WDR37: variants seen among roughly 807,000 people sequenced by gnomAD.
WDR37 encodes the protein WD repeat-containing protein 37.
WDR37 carries 19 observed loss-of-function variants against 62.9 expected under a neutral mutation model. That is an observed-to-expected ratio of 0.30 (90% CI 0.21 to 0.44). The LOEUF (loss-of-function observed/expected upper bound fraction) is 0.44. Among genes scored for constraint, WDR37 ranks in the 20% least tolerant of loss-of-function variants. WDR37 has a pLI of 1.00. For synonymous variants in WDR37, 250 were observed against 260.9 expected (o/e 0.96, Z 0.40); for missense variants, 474 against 657.6 (o/e 0.72, Z 3.05).
Position 1,129,648 on chromosome 10 carries a change from G to A in WDR37, c.*304G>A, listed in dbSNP as rs760263390. On this transcript the variant is annotated 3_prime_UTR_variant, in exon 14 of 14. Transcript: ENST00000263150. ...TGACATTGGACAGGTGAACAGTAGGGCATTACATTTGTGTGAATTAAATGT... is the reference window on the plus strand; with the variant it reads ...TGACATTGGACAGGTGAACAGTAGGACATTACATTTGTGTGAATTAAATGT... 6 of 258,142 alleles carry A rather than the reference G, an allele frequency of 2.3e-5. No homozygotes were observed. The highest frequency in any genetic ancestry group is 4.5e-5 in the Non-Finnish European group (6 of 133,026). The allele number at this position is 258,142 out of a possible 1,614,324, so 16.0% of individuals were successfully genotyped here. A position where few individuals can be genotyped will look rare whatever the true frequency, so the allele number is the denominator to read the frequency against.
chr10:1,104,070 T>C (rs1039860654), intron 10 of WDR37, among the ~76,000 whole-genome samples: 3 of 152,244 alleles, frequency 2.0e-5, no homozygotes, highest in Non-Finnish European at 2.9e-5. Flanking sequence ...ATTGGACATA[T>C]GGTAGTTGTA....
rs1201201679 is a variant in WDR37 at position 1,078,014 on chromosome 10, C to T, written c.235+11C>T. 6.4e-7 allele frequency: 1 copy of T among 1,573,300 alleles called. No homozygotes were observed. Among genetic ancestry groups the T allele is most frequent in the African/African-American group, 1.4e-5 (1 of 73,758 alleles). ...TCGAAAACTTAGAATGTGAGTATCT[C>T]CTATTTTAATATACTTTTATAGCTT... On this transcript the variant is annotated intron_variant, in intron 3 of 13. Coordinates refer to ENST00000263150, the MANE Select transcript of WDR37 (RefSeq NM_014023.4).
chr10:1,107,855 C>T (rs1186201351), intron 11 of WDR37, among the ~76,000 whole-genome samples: 2 of 152,128 alleles, frequency 1.3e-5, no homozygotes, highest in Non-Finnish European at 2.9e-5. Flanking sequence ...AACACACGCC[C>T]ACTTCCCCTT....
At chr10:1,067,143 G>A (rs769080251) in intron 1 of WDR37, among the ~76,000 whole-genome samples, 10 of 152,120 alleles carry the variant, frequency 6.6e-5, no homozygotes, top group Non-Finnish European at 1.3e-4. Context: ...CCCCACACAA[G>A]TACAGTGAGT....
At chr10:1,090,115 C>T (rs1393843161) in intron 7 of WDR37, among the ~76,000 whole-genome samples, 2 of 151,248 alleles carry the variant, frequency 1.3e-5, no homozygotes, top group Admixed American at 1.3e-4. Context: ...TATAGGTGCC[C>T]GCCACCACGC....
chr10:1,088,789 G>T (rs1834287545), intron 7 of WDR37, among the ~76,000 whole-genome samples: 1 of 152,042 alleles, frequency 6.6e-6, no homozygotes, highest in Non-Finnish European at 1.5e-5. Context: ...GAAAATCGTG[G>T]CAATTAGGTG....
At chr10:1,059,977 TG>T (rs1446639289) in intron 1 of WDR37, among the ~76,000 whole-genome samples, 3 of 151,984 alleles carry the variant, frequency 2.0e-5, no homozygotes, top group African/African-American at 7.2e-5. Flanking sequence ...CCAGGGTAGA[TG>T]GGAGGCGTGT....
intron 1 of WDR37, among the ~76,000 whole-genome samples, chr10:1,070,825 G>C (rs1309753586): frequency 6.6e-6 from 1 of 152,192 alleles, no homozygotes; most frequent in South Asian, 2.1e-4. Flanking sequence ...GAACGCTAGT[G>C]ATTTTAAAAT....
intron 11 of WDR37, among the ~76,000 whole-genome samples, chr10:1,106,543 G>A (rs1835028770): frequency 1.3e-5 from 2 of 152,176 alleles, no homozygotes; most frequent in South Asian, 2.1e-4. Context: ...AATAGACGGA[G>A]TCTCTTTCTG....
rs904970124 is a variant in WDR37, at chr10:1,121,058, G to A, written c.1104-3160G>A. 4.6e-5 allele frequency among the ~76,000 whole-genome samples: 7 copies of A among 152,206 alleles called. No individual in the cohort carries two copies. Among genetic ancestry groups the A allele is most frequent in the South Asian group, 2.1e-4 (1 of 4,826 alleles). ...GAGTTTGCCGGAGTTTGGCAGCGTCGGAACCATTTCCAGTGCACGGCCGTG... is the reference window on the plus strand; with the variant it reads ...GAGTTTGCCGGAGTTTGGCAGCGTCAGAACCATTTCCAGTGCACGGCCGTG... On this transcript the variant is annotated intron_variant, in intron 11 of 13. Coordinates refer to ENST00000263150, the MANE Select transcript of WDR37 (RefSeq NM_014023.4). The surrounding 1 kb of genome is among the most constrained non-coding windows in gnomAD (Gnocchi z 4.5).
chr10:1,078,084 T>C, intron 3 of WDR37, 81 bp downstream of exon 3: 1 of 1,113,474 alleles, frequency 9.0e-7, no homozygotes, highest in Non-Finnish European at 1.3e-6. Context: ...CATCACTATA[T>C]TAGTTTTCTG....
At chr10:1,092,044 T>G (rs1419311115) in intron 7 of WDR37, among the ~76,000 whole-genome samples, 6 of 151,384 alleles carry the variant, frequency 4.0e-5, no homozygotes, top group East Asian at 2.0e-4. Context: ...GCCGGGCGTG[T>G]TGGCGGGCGC....
intron 11 of WDR37, among the ~76,000 whole-genome samples, chr10:1,111,299 A>G (rs925592561): frequency 1.3e-5 from 2 of 152,182 alleles, no homozygotes; most frequent in Non-Finnish European, 2.9e-5. Context: ...ATTGCTGTAT[A>G]TTGGGTTTTC....
chr10:1,084,451 G>A lies in WDR37; in HGVS notation c.445G>A (p.Val149Met), dbSNP rs747382336. The A allele has an allele frequency of 6.8e-5, 109 of 1,614,048 alleles. No homozygotes were observed. Among genetic ancestry groups the A allele is most frequent in the Non-Finnish European group, 8.2e-5 (97 of 1,180,032 alleles). ...TTTSRAACQL[V>M]KEYIGHRDGI... The stretch of plus-strand genomic sequence containing the variant: ...GACATCGAGAGCTGCCTGCCAGCTC[G>A]TGAAGGAGTACATCGGCCACCGGGA... Residue 149 changes from valine to methionine, a missense_variant, in exon 6 of 14, where the codon GTG becomes ATG. Coordinates refer to ENST00000263150, the MANE Select transcript of WDR37 (RefSeq NM_014023.4).
At chr10:1,095,975 T>TCC (rs1172864365) in intron 8 of WDR37, among the ~76,000 whole-genome samples, 195 bp from the exon 9 acceptor site, 14 of 152,246 alleles carry the variant, frequency 9.2e-5, no homozygotes, top group African/African-American at 3.4e-4. Context: ...TTCCTCAATT[T>TCC]TGGACATGTA....
At position 1,129,662 on chromosome 10, in the gene WDR37, T is replaced by A; in HGVS notation, c.*318T>A. On this transcript the variant is annotated 3_prime_UTR_variant, in exon 14 of 14. Coordinates refer to ENST00000263150, the MANE Select transcript of WDR37 (RefSeq NM_014023.4). Reference sequence around the variant, plus strand: ...TGAACAGTAGGGCATTACATTTGTGTGAATTAAATGTGAACTTCTGTATTA... The same window carrying A: ...TGAACAGTAGGGCATTACATTTGTGAGAATTAAATGTGAACTTCTGTATTA... The A allele has an allele frequency of 9.1e-6, 2 of 219,772 alleles. No homozygotes were observed. Among genetic ancestry groups the A allele is most frequent in the East Asian group, 1.1e-4 (1 of 8,880 alleles). 13.6% of individuals were successfully genotyped at this position (219,772 alleles called of 1,614,324 possible).
chr10:1,057,127 G>T (rs1833206116), intron 1 of WDR37, among the ~76,000 whole-genome samples, 159 bp downstream of exon 1: 1 of 152,144 alleles, frequency 6.6e-6, no homozygotes, highest in African/African-American at 2.4e-5. Flanking sequence ...GGTCCGTGGT[G>T]GTGCAGGAGG....
intron 1 of WDR37, among the ~76,000 whole-genome samples, chr10:1,065,202 G>A (rs1833498364): frequency 6.6e-6 from 1 of 152,156 alleles, no homozygotes. Flanking sequence ...AAGCATAACC[G>A]TGGTGTGGTT....
intron 3 of WDR37, among the ~76,000 whole-genome samples, chr10:1,079,694 C>T (rs2131624514): frequency 6.6e-6 from 1 of 152,102 alleles, no homozygotes. Flanking sequence ...ACCACCACGC[C>T]CGGCTATTTT....
Sources: allele counts gnomAD v4.1 joint callset (sites outside exome capture counted in the v4.1 genomes callset), GRCh38; gene constraint gnomAD v4.1.1; non-coding constraint Gnocchi (gnomAD v3.1); transcripts MANE v1.5; gene names NCBI Gene and HGNC (gene_info 2026-07-23, HGNC 2026-07-21).